NALCN: variants seen among roughly 807,000 people sequenced by gnomAD.
NALCN encodes the protein sodium leak channel NALCN.
NALCN carries 111 observed loss-of-function variants against 225.3 expected under a neutral mutation model. The observed-to-expected ratio is 0.49, with a 90% CI of 0.42 to 0.58. The LOEUF is 0.58. NALCN is among the 20% of genes least tolerant of loss of function. The pLI is 0.00. For missense variants in NALCN, 1,378 were observed against 2,202.4 expected, an observed-to-expected ratio of 0.63 and a Z score of 7.49; for synonymous variants, 764 against 769.0, an observed-to-expected ratio of 0.99 and a Z score of 0.11.
chr13:101,139,869 A>C (rs1013905058), intron 17 of NALCN, among the ~76,000 whole-genome samples: 2 of 152,162 alleles, frequency 1.3e-5, no homozygotes, highest in African/African-American at 4.8e-5. Context: ...CTGTCTCCGC[A>C]ATTTGTGCTT....
intron 12 of NALCN, among the ~76,000 whole-genome samples, chr13:101,230,951 T>G (rs1401398540): frequency 6.6e-6 from 1 of 152,168 alleles, no homozygotes; most frequent in African/African-American, 2.4e-5. Flanking sequence ...TTTTCTATAT[T>G]TAGCTATGTT....
intron 38 of NALCN, 81 bp downstream of exon 38, chr13:101,068,614 G>A (rs930270767): frequency 2.2e-6 from 3 of 1,341,870 alleles, no homozygotes; most frequent in Middle Eastern, 4.8e-4. Context: ...AAGAAATCCA[G>A]GGTAATTGCT....
At chr13:101,103,089 A>G (rs377386418) in intron 26 of NALCN, 83 bp downstream of exon 26, 45 of 1,507,150 alleles carry the variant, frequency 3.0e-5, no homozygotes, top group African/African-American at 1.4e-4. Flanking sequence ...ATTGACCTCA[A>G]TAAGCAAGAC....
At chr13:101,378,407 CA>C (rs1186543505) in intron 4 of NALCN, among the ~76,000 whole-genome samples, 162 bp downstream of exon 4, 1 of 150,156 alleles carries the variant, frequency 6.7e-6, no homozygotes, top group Non-Finnish European at 1.5e-5. Context: ...TCAGAGTAAA[CA>C]GACTAATCAC....
intron 15 of NALCN, among the ~76,000 whole-genome samples, chr13:101,159,978 G>A (rs746032550): frequency 2.6e-5 from 3 of 116,872 alleles, no homozygotes; most frequent in East Asian, 3.2e-4. Context: ...ATTTTGAGAC[G>A]GAGTCTCATT....
chr13:101,267,958 G>A (rs1177323766), intron 10 of NALCN, among the ~76,000 whole-genome samples: 1 of 152,144 alleles, frequency 6.6e-6, no homozygotes, highest in Non-Finnish European at 1.5e-5. Flanking sequence ...TACTGAAGTG[G>A]AGCAATGTGA....
chr13:101,223,133 C>G (rs759124256), intron 13 of NALCN, among the ~76,000 whole-genome samples: 2 of 152,112 alleles, frequency 1.3e-5, no homozygotes, highest in African/African-American at 4.8e-5. Context: ...AACTCTTTTA[C>G]GGGACATTCA....
intron 9 of NALCN, among the ~76,000 whole-genome samples, chr13:101,290,484 T>C (rs1394761562): frequency 6.6e-6 from 1 of 152,228 alleles, no homozygotes; most frequent in Non-Finnish European, 1.5e-5. Flanking sequence ...AGATGAGAAC[T>C]TGCTATGGTT....
intron 41 of NALCN, among the ~76,000 whole-genome samples, chr13:101,060,283 T>G (rs1359357591): frequency 1.4e-5 from 2 of 138,868 alleles, no homozygotes; most frequent in African/African-American, 2.7e-5. Flanking sequence ...CTGTTTTTTT[T>G]TTTTTTTTTT....
chr13:101,062,514 T>C (rs776968037), intron 40 of NALCN, among the ~76,000 whole-genome samples: 2 of 152,200 alleles, frequency 1.3e-5, no homozygotes, highest in Non-Finnish European at 2.9e-5. Context: ...ATGGTTAATA[T>C]GCTCGGCTGT....
intron 14 of NALCN, 125 bp downstream of exon 14, chr13:101,191,792 C>A (rs894570142): frequency 4.1e-5 from 37 of 900,086 alleles, no homozygotes; most frequent in Non-Finnish European, 5.2e-5. Context: ...GGATCTCATC[C>A]AACCAGATTA....
At chr13:101,179,903 G>A (rs917256862) in intron 14 of NALCN, among the ~76,000 whole-genome samples, 8 of 152,100 alleles carry the variant, frequency 5.3e-5, no homozygotes, top group African/African-American at 1.9e-4. Context: ...TCCAGCTGCT[G>A]GTGGCCTCCT....
At chr13:101,240,532 A>G (rs1333755) in intron 11 of NALCN, among the ~76,000 whole-genome samples, 4 of 151,806 alleles carry the variant, frequency 2.6e-5, no homozygotes, top group Non-Finnish European at 4.4e-5. Context: ...CAATTTCATA[A>G]GGAAATAAAA....
chr13:101,149,503 T>C (rs1404650446), intron 15 of NALCN, among the ~76,000 whole-genome samples: 5 of 152,214 alleles, frequency 3.3e-5, no homozygotes, highest in Admixed American at 2.0e-4. Context: ...CAAGATACCA[T>C]TTTAAATTTA....
At position 101,395,316 on chromosome 13, in the gene NALCN, A is replaced by G; in HGVS notation, c.158T>C (p.Val53Ala). The G allele has an allele frequency of 1.2e-6, 2 of 1,614,082 alleles. No individual in the cohort carries two copies. Among genetic ancestry groups the G allele is most frequent in the Non-Finnish European group, 1.7e-6 (2 of 1,179,966 alleles). ...GAAGGTCATTGGCGTATTCATACAA[A>G]CAGAAATGACGCTGATGATGGCACA... Reference protein sequence around the residue: ...RICAIISVISVCMNTPMTFEH... With the variant: ...RICAIISVISACMNTPMTFEH... The change falls in exon 3 of 44, where the codon GTT becomes GCT. Residue 53 changes from valine (V) to alanine (A), a missense_variant. This residue lies in a region of NALCN where 146 missense variants were observed against 205.9 expected (regional missense o/e 0.71). Transcript: ENST00000251127.
rs1294225191 is a variant in NALCN, at chr13:101,356,931, C to A, written c.645-11511G>T. ...TTCATCACATAAACAGAACCAGAGACAAAAGCCACATGATTCTCAATAGAT... is the reference window on the plus strand; with the variant it reads ...TTCATCACATAAACAGAACCAGAGAAAAAAGCCACATGATTCTCAATAGAT... On this transcript the variant is annotated intron_variant, in intron 6 of 43. Transcript: ENST00000251127. Among the ~76,000 whole-genome samples, 3 of 152,116 alleles carry A rather than the reference C, an allele frequency of 2.0e-5. No homozygotes were observed. The East Asian group carries it at 5.8e-4, about 29-fold the overall frequency.
intron 6 of NALCN, among the ~76,000 whole-genome samples, chr13:101,347,831 C>T (rs1293338605): frequency 6.6e-6 from 1 of 152,108 alleles, no homozygotes; most frequent in Admixed American, 6.6e-5. Context: ...TGCATAGCAC[C>T]TAATGTGTTG....
Position 101,110,768 on chromosome 13 carries a change from T to C in NALCN, c.2295-80A>G, listed in dbSNP as rs2035385383. 4 of 1,424,030 alleles carry C rather than the reference T, an allele frequency of 2.8e-6. No individual in the cohort carries two copies. In the East Asian group the frequency reaches 6.9e-5, roughly 24 times the overall value. 88.2% of individuals were successfully genotyped at this position (1,424,030 alleles called of 1,614,324 possible). A position where few individuals can be genotyped will look rare whatever the true frequency, so the allele number is the denominator to read the frequency against. ...AGCAGTGACCATGATAAAATCAAAATAAAACACTTTTTCTGCTACAACGCC... is the reference window on the plus strand; with the variant it reads ...AGCAGTGACCATGATAAAATCAAAACAAAACACTTTTTCTGCTACAACGCC... On this transcript the variant is annotated intron_variant, in intron 19 of 43. Coordinates refer to ENST00000251127, the MANE Select transcript of NALCN (RefSeq NM_052867.4).
At chr13:101,082,143 T>C (rs1357948764) in intron 33 of NALCN, among the ~76,000 whole-genome samples, 1 of 152,152 alleles carries the variant, frequency 6.6e-6, no homozygotes, top group Non-Finnish European at 1.5e-5. Context: ...TTCCCAAAGT[T>C]CTGGGGTTAC....
Sources: allele counts gnomAD v4.1 joint callset (sites outside exome capture counted in the v4.1 genomes callset), GRCh38; gene constraint gnomAD v4.1.1; regional missense constraint gnomAD v4.1.1; transcripts MANE v1.5; gene names NCBI Gene and HGNC (gene_info 2026-07-23, HGNC 2026-07-21).